Variants in STPG2 observed in about 807,000 individuals in gnomAD.
STPG2 encodes sperm-tail PG-rich repeat-containing protein 2.
In STPG2, 56 loss-of-function variants were observed where a neutral mutation model predicts 54.2. That is an observed-to-expected ratio of 1.03 (90% CI 0.83 to 1.29). The LOEUF (loss-of-function observed/expected upper bound fraction) is 1.29, where lower values mean the gene tolerates loss of function less well. Ranked by LOEUF, STPG2 falls within the 50% of genes most tolerant of loss-of-function variation. The pLI, the probability that STPG2 is intolerant of heterozygous loss-of-function variation, is 0.00. For synonymous variants in STPG2, 200 were observed against 181.8 expected, an observed-to-expected ratio of 1.10 and a Z score of -0.81; for missense variants, 596 against 544.9, an observed-to-expected ratio of 1.09 and a Z score of -0.93.
intron 5 of STPG2, among the ~76,000 whole-genome samples, chr4:97,987,246 G>GA (rs1734857409): frequency 1.3e-5 from 2 of 152,074 alleles, no homozygotes; most frequent in South Asian, 2.1e-4. Context: ...ATAAAGCTCA[G>GA]AAAAAATTAT....
intron 5 of STPG2, among the ~76,000 whole-genome samples, chr4:98,099,642 A>G (rs1738967258): frequency 6.6e-6 from 1 of 152,226 alleles, no homozygotes; most frequent in Non-Finnish European, 1.5e-5. Flanking sequence ...TGTATAACTC[A>G]AAGGATATGC....
At chr4:98,017,692 A>G (rs1317563888) in intron 5 of STPG2, among the ~76,000 whole-genome samples, 4 of 152,150 alleles carry the variant, frequency 2.6e-5, no homozygotes, top group African/African-American at 7.2e-5. Context: ...TGAAGGTGAT[A>G]TGGTTTGGCT....
At chr4:97,784,469 G>GA (rs1726760999) in intron 9 of STPG2, among the ~76,000 whole-genome samples, 2 of 151,610 alleles carry the variant, frequency 1.3e-5, no homozygotes, top group African/African-American at 2.4e-5. Context: ...TTGAATATGG[G>GA]AAAAAATCAC....
chr4:97,995,360 G>A (rs1735169573), intron 5 of STPG2, among the ~76,000 whole-genome samples: 1 of 152,068 alleles, frequency 6.6e-6, no homozygotes, highest in South Asian at 2.1e-4. Context: ...GGCTTTCCCG[G>A]TATGTTTCTG....
intron 9 of STPG2, among the ~76,000 whole-genome samples, chr4:97,810,152 G>A (rs1727690453): frequency 2.6e-5 from 4 of 151,960 alleles, no homozygotes; most frequent in African/African-American, 9.7e-5. Flanking sequence ...TTTACATATG[G>A]ACTAAATCCT....
chr4:97,843,246 T>C (rs1487401055), intron 8 of STPG2, among the ~76,000 whole-genome samples: 1 of 151,732 alleles, frequency 6.6e-6, no homozygotes, highest in Non-Finnish European at 1.5e-5. Flanking sequence ...TGTTCTTGCA[T>C]TTGGGAAATT....
chr4:97,972,577 T>C (rs1242297078), intron 6 of STPG2, 137 bp from the exon 7 acceptor site: 5 of 497,044 alleles, frequency 1.0e-5, no homozygotes, highest in African/African-American at 2.0e-5. Context: ...TAAAATGGCA[T>C]AGTCGCATTT....
intron 4 of STPG2, among the ~76,000 whole-genome samples, chr4:97,538,548 G>A (rs1407417965): frequency 6.6e-6 from 1 of 152,190 alleles, no homozygotes; most frequent in Admixed American, 6.5e-5. Flanking sequence ...TATGTGAAAA[G>A]ACCAAATCTA....
At chr4:97,901,547 G>C (rs1425024622) in intron 8 of STPG2, among the ~76,000 whole-genome samples, 1 of 151,732 alleles carries the variant, frequency 6.6e-6, no homozygotes, top group Non-Finnish European at 1.5e-5. Context: ...CAAACTATTT[G>C]TTAAAGACAT....
At chr4:97,611,710 T>A (rs1298824423) in intron 10 of STPG2, among the ~76,000 whole-genome samples, 1 of 151,770 alleles carries the variant, frequency 6.6e-6, no homozygotes, top group Non-Finnish European at 1.5e-5. Context: ...GTGACATGAA[T>A]CAGTGGGGAA....
chr4:97,503,937 A>T (rs1484699337), intron 4 of STPG2, among the ~76,000 whole-genome samples: 6 of 118,334 alleles, frequency 5.1e-5, no homozygotes, highest in Non-Finnish European at 1.0e-4. Context: ...TAAATATTTT[A>T]AAAATATATT....
At chr4:97,498,451 A>G (rs1488855696) in intron 4 of STPG2, among the ~76,000 whole-genome samples, 4 of 151,954 alleles carry the variant, frequency 2.6e-5, no homozygotes, top group Non-Finnish European at 5.9e-5. Context: ...ATTATATGTA[A>G]TACTGTTGAA....
At chr4:97,639,145 C>G (rs1476411982) in intron 10 of STPG2, among the ~76,000 whole-genome samples, 1 of 151,926 alleles carries the variant, frequency 6.6e-6, no homozygotes, top group Non-Finnish European at 1.5e-5. Context: ...CACATATACA[C>G]CATGGAATAC....
At chr4:97,790,162 C>T (rs769092540) in intron 9 of STPG2, among the ~76,000 whole-genome samples, 5 of 129,410 alleles carry the variant, frequency 3.9e-5, no homozygotes, top group African/African-American at 6.3e-5. Context: ...CTTTTGCTCA[C>T]GATTACATCT....
intron 5 of STPG2, among the ~76,000 whole-genome samples, chr4:98,056,866 C>G (rs1737501240): frequency 6.6e-6 from 1 of 152,194 alleles, no homozygotes. Context: ...TCTCCCGCCA[C>G]TCTACCATGT....
intron 7 of STPG2, among the ~76,000 whole-genome samples, chr4:97,947,892 C>A (rs1024728279): frequency 1.3e-5 from 2 of 151,854 alleles, no homozygotes; most frequent in Non-Finnish European, 2.9e-5. Flanking sequence ...TTTCCTGGTT[C>A]TGGTATCAGG....
intron 7 of STPG2, among the ~76,000 whole-genome samples, chr4:97,966,446 C>T (rs1418432484): frequency 6.6e-6 from 1 of 152,218 alleles, no homozygotes; most frequent in Non-Finnish European, 1.5e-5. Context: ...CTGGAAAACA[C>T]TCTTCACAAT....
chr4:98,015,659 A>G (rs970061247), intron 5 of STPG2, among the ~76,000 whole-genome samples: 13 of 152,172 alleles, frequency 8.5e-5, no homozygotes, highest in Non-Finnish European at 1.5e-4. Context: ...CAATTCCTCA[A>G]AGATCTAGAA....
At chr4:98,013,580 CTTTTTTTTTTTTTTTTT>C (rs34198207) in intron 5 of STPG2, among the ~76,000 whole-genome samples, 2 of 74,588 alleles carry the variant, frequency 2.7e-5, no homozygotes, top group East Asian at 4.9e-4. Flanking sequence ...TGGTCCTGGG[CTTTTTTTTTTTTTTTTT>C]TTTTTTTTTT....
Sources: gnomAD v4.1 joint callset for allele counts (sites outside exome capture counted in the v4.1 genomes callset) on GRCh38, gnomAD v4.1.1 for gene constraint, MANE v1.5 for transcripts, NCBI Gene and HGNC (gene_info 2026-07-23, HGNC 2026-07-21) for gene names.